The following AEBP2 variants were observed in gnomAD, a reference collection of about 807,000 sequenced individuals.
AEBP2 encodes the protein zinc finger protein AEBP2.
AEBP2 carries 10 observed loss-of-function variants against 50.8 expected under a neutral mutation model. The observed-to-expected ratio is 0.20, with a 90% CI of 0.12 to 0.33. The LOEUF (loss-of-function observed/expected upper bound fraction) is 0.33. Among genes scored for constraint, AEBP2 ranks in the 10% least tolerant of loss-of-function variants. AEBP2 has a pLI of 1.00. For missense variants in AEBP2, 570 were observed against 688.0 expected (o/e 0.83, Z 1.92); for synonymous variants, 296 against 261.3 (o/e 1.13, Z -1.28).
Position 19,453,967 on chromosome 12 carries a change from G to A in AEBP2, c.672-8543G>A, listed in dbSNP as rs1195604103. 2.0e-5 allele frequency among the ~76,000 whole-genome samples: 3 copies of A among 152,044 alleles called. No individual in the cohort carries two copies. In the East Asian group the frequency reaches 5.8e-4, roughly 30 times the overall value. On this transcript the variant is annotated intron_variant, in intron 1 of 7. Coordinates refer to ENST00000266508, the MANE Select transcript of AEBP2 (RefSeq NM_153207.5). ...CTTGATCCACCATGCCTGGCCCCCAGTTTATGTCTTTATTCTGTTTTGGCT... is the reference window on the plus strand; with the variant it reads ...CTTGATCCACCATGCCTGGCCCCCAATTTATGTCTTTATTCTGTTTTGGCT...
At chr12:19,435,304 G>T (rs569896734), upstream of AEBP2, among the ~76,000 whole-genome samples, 60 of 145,436 alleles carry the variant, frequency 4.1e-4, no homozygotes, top group Admixed American at 1.0e-3. Context: ...TTCTTGAGAC[G>T]GTGTCATGCT....
intron 3 of AEBP2, among the ~76,000 whole-genome samples, chr12:19,478,257 C>G (rs1370413014): frequency 6.6e-6 from 1 of 152,084 alleles, no homozygotes; most frequent in African/African-American, 2.4e-5. Flanking sequence ...TCTCTAGTTC[C>G]TTGAGGTATG....
At chr12:19,411,892 G>A (rs2095739413) in intron 1 of AEBP2, among the ~76,000 whole-genome samples, 1 of 152,234 alleles carries the variant, frequency 6.6e-6, no homozygotes, top group Admixed American at 6.5e-5. Context: ...CTCAGACCAT[G>A]TACAGTGAAG....
At chr12:19,440,747 G>C in intron 1 of AEBP2, 1 of 1,533,568 alleles carries the variant, frequency 6.5e-7, no homozygotes, top group Non-Finnish European at 8.7e-7. Flanking sequence ...TTCCAACCGT[G>C]TTCGGGAACA....
chr12:19,486,822 A>G (rs141215988), intron 3 of AEBP2, among the ~76,000 whole-genome samples: 151 of 149,848 alleles, frequency 1.0e-3, no homozygotes, highest in African/African-American at 3.6e-3. Context: ...TTTTTTTGAG[A>G]TAAAGTTTCT....
intron 1 of AEBP2, chr12:19,445,987 T>C (rs1325487256): frequency 6.6e-6 from 1 of 152,190 alleles, no homozygotes; most frequent in Non-Finnish European, 1.5e-5. Context: ...ATGTCATCCT[T>C]GTGCAGGGGC....
intron 1 of AEBP2, among the ~76,000 whole-genome samples, chr12:19,408,827 C>T (rs2095737715): frequency 6.6e-6 from 1 of 151,788 alleles, no homozygotes; most frequent in Non-Finnish European, 1.5e-5. Context: ...CGCTTGAACC[C>T]GGGAGGCAGA....
chr12:19,470,736 T>C, intron 2 of AEBP2, among the ~76,000 whole-genome samples: 1 of 152,216 alleles, frequency 6.6e-6, no homozygotes, highest in South Asian at 2.1e-4. Context: ...TACTGCTGTT[T>C]CTACCAAATT....
At chr12:19,417,636 G>C (rs1207671151) in intron 1 of AEBP2, among the ~76,000 whole-genome samples, 1 of 151,354 alleles carries the variant, frequency 6.6e-6, no homozygotes, top group Non-Finnish European at 1.5e-5. Flanking sequence ...TCGAACTCTT[G>C]GCCTCAAGTG....
intron 1 of AEBP2, among the ~76,000 whole-genome samples, chr12:19,452,093 G>T (rs1197718347): frequency 6.6e-6 from 1 of 152,104 alleles, no homozygotes; most frequent in Admixed American, 6.6e-5. Context: ...GTTTCACCAT[G>T]TTGGCCAGGC....
intron 1 of AEBP2, chr12:19,457,590 T>G: frequency 2.7e-6 from 4 of 1,483,682 alleles, no homozygotes; most frequent in Non-Finnish European, 3.6e-6. Flanking sequence ...AGTGGTGGAC[T>G]TGTACGAATC....
intron 1 of AEBP2, among the ~76,000 whole-genome samples, chr12:19,431,004 C>G (rs1445907400): frequency 1.8e-5 from 2 of 110,196 alleles, no homozygotes; most frequent in Non-Finnish European, 3.7e-5. Flanking sequence ...AGAGCCAGAC[C>G]CTGTCTAAAA....
At chr12:19,500,048 T>A in intron 4 of AEBP2, 49 bp from the exon 5 acceptor site, 7 of 1,482,338 alleles carry the variant, frequency 4.7e-6, no homozygotes, top group Non-Finnish European at 6.4e-6. Context: ...TATTACTTAT[T>A]ACTGTTATGT....
At chr12:19,501,698 A>C (rs1316005347) in intron 5 of AEBP2, among the ~76,000 whole-genome samples, 1 of 151,810 alleles carries the variant, frequency 6.6e-6, no homozygotes, top group Admixed American at 6.6e-5. Flanking sequence ...ATTTCAATTG[A>C]AAAGTGCATG....
At chr12:19,484,439 A>T (rs1478515031) in intron 3 of AEBP2, among the ~76,000 whole-genome samples, 1 of 150,302 alleles carries the variant, frequency 6.7e-6, no homozygotes, top group Non-Finnish European at 1.5e-5. Flanking sequence ...CAGTGGTGTG[A>T]TCTCGGTTCA....
At chr12:19,405,973 T>G (rs2095736060) in intron 1 of AEBP2, among the ~76,000 whole-genome samples, 1 of 151,540 alleles carries the variant, frequency 6.6e-6, no homozygotes, top group South Asian at 2.1e-4. Context: ...GGCCAGTTTT[T>G]TTTTTTTTTT....
At chr12:19,458,565 CAT>C (rs1459156646) in intron 1 of AEBP2, among the ~76,000 whole-genome samples, 2 of 152,190 alleles carry the variant, frequency 1.3e-5, no homozygotes, top group Admixed American at 1.3e-4. Flanking sequence ...TGATATCACA[CAT>C]AGACTCAACA....
At chr12:19,444,758 A>G (rs1275699779) in intron 1 of AEBP2, among the ~76,000 whole-genome samples, 2 of 152,216 alleles carry the variant, frequency 1.3e-5, no homozygotes, top group Non-Finnish European at 2.9e-5. Flanking sequence ...CTGTTGTAGA[A>G]TGGTATTTTG....
chr12:19,423,397 T>A (rs1353612577), intron 1 of AEBP2, among the ~76,000 whole-genome samples: 1 of 152,122 alleles, frequency 6.6e-6, no homozygotes, highest in Non-Finnish European at 1.5e-5. Flanking sequence ...AGAGTGAAGC[T>A]CCCATACAAG....
Sources: gnomAD v4.1 joint callset for allele counts (sites outside exome capture counted in the v4.1 genomes callset) on GRCh38, gnomAD v4.1.1 for gene constraint, MANE v1.5 for transcripts, NCBI Gene and HGNC (gene_info 2026-07-23, HGNC 2026-07-21) for gene names.